The following ASIC2 variants were observed in gnomAD, a reference collection of about 807,000 sequenced individuals.
The protein encoded by ASIC2 is acid sensing ion channel subunit 2, also known as acid-sensing ion channel 2.
ASIC2 carries 25 observed loss-of-function variants against 57.3 expected under a neutral mutation model. The observed-to-expected ratio is 0.44, with a 90% confidence interval of 0.32 to 0.61. ASIC2 has a LOEUF of 0.61. ASIC2 is among the 20% of genes least tolerant of loss of function. The pLI is 0.06. For missense variants in ASIC2, 641 were observed against 738.1 expected (o/e 0.87, Z 1.52); for synonymous variants, 319 against 307.5 (o/e 1.04, Z -0.39).
chr17:33,560,775 T>C (rs1916048569), intron 1 of ASIC2, among the ~76,000 whole-genome samples: 1 of 152,216 alleles, frequency 6.6e-6, no homozygotes, highest in Non-Finnish European at 1.5e-5. Context: ...AGTTAGCTCA[T>C]GTTATCTTTA....
chr17:33,127,411 T>A (rs2092328294), intron 1 of ASIC2, among the ~76,000 whole-genome samples: 1 of 152,226 alleles, frequency 6.6e-6, no homozygotes, highest in Non-Finnish European at 1.5e-5. Context: ...CCATTGTGCC[T>A]GAATATAAAT....
rs1279112907 is a variant in ASIC2 at position 33,391,740 on chromosome 17, C to A, written c.556-279673G>T. ...TGTCAATGTTAATCATATATAAACT[C>A]ATCCATGTTAGTATGAAGACCTCCA... On this transcript the variant is annotated intron_variant, in intron 1 of 9. Coordinates refer to the ASIC2 transcript ENST00000359872. 2.6e-5 allele frequency among the ~76,000 whole-genome samples: 4 copies of A among 152,220 alleles called. No homozygotes were observed. In the East Asian group the frequency reaches 7.7e-4, roughly 29 times the overall value.
At chr17:33,309,120 C>T (rs1036239784) in intron 1 of ASIC2, among the ~76,000 whole-genome samples, 1 of 152,106 alleles carries the variant, frequency 6.6e-6, no homozygotes, top group Non-Finnish European at 1.5e-5. Context: ...TGGATCTTTT[C>T]TCAGATCTTT....
chr17:33,899,755 C>CTGATGAATAATCTAA (rs1915190786), intron 1 of ASIC2, among the ~76,000 whole-genome samples: 1 of 152,184 alleles, frequency 6.6e-6, no homozygotes, highest in African/African-American at 2.4e-5. Context: ...CCATAACATG[C>CTGATGAATAATCTAA]TAGATAGATG....
intron 1 of ASIC2, among the ~76,000 whole-genome samples, chr17:34,009,490 TTGAAA>T (rs1308628980): frequency 6.6e-6 from 1 of 152,248 alleles, no homozygotes; most frequent in Admixed American, 6.5e-5. Context: ...ATATTACATG[TTGAAA>T]TGATATTATT....
chr17:33,778,119 T>C (rs1396912556), intron 1 of ASIC2, among the ~76,000 whole-genome samples: 1 of 152,166 alleles, frequency 6.6e-6, no homozygotes, highest in Non-Finnish European at 1.5e-5. Context: ...GGGGATGCAC[T>C]CATCTCAAGC....
chr17:33,701,176 T>A (rs1394896335), intron 1 of ASIC2, among the ~76,000 whole-genome samples: 1 of 152,054 alleles, frequency 6.6e-6, no homozygotes, highest in African/African-American at 2.4e-5. Context: ...ATTCTTCAGA[T>A]TAAAAACCTA....
intron 1 of ASIC2, among the ~76,000 whole-genome samples, chr17:33,646,502 G>A (rs1047234903): frequency 2.0e-5 from 3 of 152,164 alleles, no homozygotes; most frequent in Non-Finnish European, 2.9e-5. Context: ...GAAGACGAGT[G>A]TGCTCTTGGG....
chr17:33,865,772 C>CAA (rs1156250944), intron 1 of ASIC2, among the ~76,000 whole-genome samples: 56 of 74,104 alleles, frequency 7.6e-4, no homozygotes, highest in Non-Finnish European at 1.1e-3. Context: ...AAAAAAAAAA[C>CAA]AAAAAAAAAA....
Position 33,134,465 on chromosome 17 carries a change from G to A in ASIC2, c.709-22398C>T, listed in dbSNP as rs188189393. Among the ~76,000 whole-genome samples the A allele has an allele frequency of 5.2e-3, 792 of 152,284 alleles. 8 individuals are homozygous for A. The highest frequency in any genetic ancestry group is 0.02 in the Middle Eastern group (6 of 294). On this transcript the variant is annotated intron_variant, in intron 1 of 9. Coordinates refer to ENST00000225823, the MANE Select transcript of ASIC2 (RefSeq NM_183377.2). ...GGGAGGCAAAACCTGACACTGTCCCGGGCAAACTGGGATGTAGTCCCCTTA... is the reference window on the plus strand; with the variant it reads ...GGGAGGCAAAACCTGACACTGTCCCAGGCAAACTGGGATGTAGTCCCCTTA...
chr17:33,299,106 A>T (rs111427777), intron 1 of ASIC2, among the ~76,000 whole-genome samples: 3,276 of 152,328 alleles, frequency 0.022, 105 homozygotes, highest in African/African-American at 0.068. Context: ...GTTCATATGG[A>T]ACCAAAAAAG....
At chr17:33,958,690 G>A (rs180752094) in intron 1 of ASIC2, among the ~76,000 whole-genome samples, 1 of 152,234 alleles carries the variant, frequency 6.6e-6, no homozygotes, top group South Asian at 2.1e-4. Flanking sequence ...CTCCCAGCCT[G>A]TGATGGGAGT....
intron 1 of ASIC2, among the ~76,000 whole-genome samples, chr17:33,267,511 C>T (rs554298653): frequency 6.6e-6 from 1 of 152,224 alleles, no homozygotes; most frequent in Non-Finnish European, 1.5e-5. Flanking sequence ...TCATCAGTCA[C>T]TGACTCTGAA....
chr17:34,047,595 C>T (rs1404497385), intron 1 of ASIC2, among the ~76,000 whole-genome samples: 3 of 151,056 alleles, frequency 2.0e-5, no homozygotes, highest in South Asian at 2.1e-4. Flanking sequence ...TATCCATGCC[C>T]TTTGCGGCAT....
intron 1 of ASIC2, among the ~76,000 whole-genome samples, chr17:33,904,163 C>CAAAAAA (rs769795292): frequency 4.3e-4 from 24 of 55,808 alleles, no homozygotes; most frequent in East Asian, 6.6e-4. Flanking sequence ...AACTCCGTCT[C>CAAAAAA]AAAAAAAAAA....
intron 1 of ASIC2, among the ~76,000 whole-genome samples, chr17:34,093,836 T>C (rs767496238): frequency 5.9e-5 from 9 of 152,092 alleles, no homozygotes; most frequent in South Asian, 2.1e-4. Context: ...CTCTCCCACA[T>C]AGGATGAACC....
Position 34,129,532 on chromosome 17 carries a change from C to A in ASIC2, c.555+26446G>T, listed in dbSNP as rs188159727. On this transcript the variant is annotated intron_variant, in intron 1 of 9. Transcript: ENST00000359872. The stretch of plus-strand genomic sequence containing the variant: ...GCCATGTCCCATGTTATACCTGGAA[C>A]TAATAATTCCCAAAATTATTCTCTA... Among the ~76,000 whole-genome samples the A allele has an allele frequency of 1.3e-4, 20 of 152,270 alleles. No individual in the cohort carries two copies. In the East Asian group the frequency reaches 1.9e-3, roughly 15 times the overall value.
At chr17:33,922,038 C>A (rs1299878857) in intron 1 of ASIC2, among the ~76,000 whole-genome samples, 1 of 152,134 alleles carries the variant, frequency 6.6e-6, no homozygotes, top group East Asian at 1.9e-4. Flanking sequence ...TGGTCCAGGG[C>A]CACTTTGCAC....
At chr17:33,322,566 T>TGCA (rs1331789165) in intron 1 of ASIC2, among the ~76,000 whole-genome samples, 1 of 152,220 alleles carries the variant, frequency 6.6e-6, no homozygotes, top group Non-Finnish European at 1.5e-5. Flanking sequence ...GATTCATTCA[T>TGCA]TCATTCATTC....
Sources: gnomAD v4.1 joint callset for allele counts (sites outside exome capture counted in the v4.1 genomes callset) on GRCh38, gnomAD v4.1.1 for gene constraint, MANE v1.5 for transcripts, NCBI Gene and HGNC (gene_info 2026-07-23, HGNC 2026-07-21) for gene names.